Variants in CECR2 observed in about 807,000 individuals in gnomAD.
CECR2 encodes the protein CECR2 histone acetyl-lysine reader, also known as chromatin remodeling regulator CECR2.
In CECR2, 30 loss-of-function variants were observed where a neutral mutation model predicts 154.5. That is an observed-to-expected ratio of 0.19 (90% CI 0.15 to 0.26). The LOEUF is 0.26. CECR2 is among the 10% of genes least tolerant of loss of function. The pLI is 1.00. For synonymous variants in CECR2, 725 were observed against 683.7 expected (o/e 1.06, Z -0.94); for missense variants, 1,743 against 1,829.3 (o/e 0.95, Z 0.86).
chr22:17,394,323 C>T (rs2053776184), intron 1 of CECR2, among the ~76,000 whole-genome samples: 3 of 151,634 alleles, frequency 2.0e-5, no homozygotes, highest in South Asian at 2.1e-4. Context: ...CCACCTCAGC[C>T]TCCTGAGTGG....
intron 2 of CECR2, 129 bp from the exon 3 acceptor site, chr22:17,497,274 A>T (rs1482795168): frequency 4.7e-6 from 4 of 856,302 alleles, no homozygotes; most frequent in Non-Finnish European, 1.8e-6. Context: ...TGGATGACAG[A>T]GCGAGACCCT....
intron 1 of CECR2, among the ~76,000 whole-genome samples, chr22:17,474,418 G>A (rs528888695): frequency 1.3e-5 from 2 of 152,288 alleles, no homozygotes; most frequent in East Asian, 3.9e-4. Context: ...GTGACGCAGA[G>A]TTCCTCTCCC....
chr22:17,483,124 G>C (rs1053859147), intron 2 of CECR2, among the ~76,000 whole-genome samples: 30 of 152,356 alleles, frequency 2.0e-4, no homozygotes, highest in Admixed American at 5.9e-4. Flanking sequence ...ACAAGATGTC[G>C]AGGTGGAAGA....
At chr22:17,404,141 C>T (rs904756126) in intron 1 of CECR2, among the ~76,000 whole-genome samples, 1 of 151,332 alleles carries the variant, frequency 6.6e-6, no homozygotes, top group African/African-American at 2.4e-5. Context: ...CGTCTGTACT[C>T]CCAGCTACTT....
intron 9 of CECR2, among the ~76,000 whole-genome samples, chr22:17,527,314 C>T (rs905720891): frequency 3.2e-4 from 49 of 151,858 alleles, no homozygotes; most frequent in African/African-American, 1.2e-3. Flanking sequence ...AAAAATTAAC[C>T]GAGCATGGTT....
At chr22:17,389,714 G>A (rs1298713731) in intron 1 of CECR2, among the ~76,000 whole-genome samples, 1 of 151,992 alleles carries the variant, frequency 6.6e-6, no homozygotes. Context: ...TGCAACCTCC[G>A]CCTCCTGGGT....
chr22:17,516,977 C>A (rs970164318), intron 8 of CECR2, among the ~76,000 whole-genome samples: 1 of 151,708 alleles, frequency 6.6e-6, no homozygotes, highest in African/African-American at 2.4e-5. Flanking sequence ...GTGGCGTGAT[C>A]TCAGCTCACT....
chr22:17,505,090 A>G, intron 7 of CECR2, 74 bp downstream of exon 7: 1 of 1,418,948 alleles, frequency 7.0e-7, no homozygotes, highest in Non-Finnish European at 9.6e-7. Flanking sequence ...TATTCATGAG[A>G]CCTTCCCCAT....
rs779001484 is a variant in CECR2 at position 17,540,558 on chromosome 22, A to C, written c.1642A>C (p.Ser548Arg). 2 of 1,612,726 alleles carry C rather than the reference A, an allele frequency of 1.2e-6. No homozygotes were observed. The highest frequency in any genetic ancestry group is 2.2e-5 in the South Asian group (2 of 90,864). Reference protein sequence around the residue: ...REKRRSRAGRSGGSHVWTRSR... With the variant: ...REKRRSRAGRRGGSHVWTRSR... ...GAAAAGACGGAGTCGGGCTGGGCGA[A>C]GTGGTGGGAGCCATGTTTGGACCCG... Residue 548 changes from serine to arginine, a missense_variant, in exon 14 of 19, where the codon AGT becomes CGT. By Grantham distance (110) the Ser-to-Arg change is moderately radical. Coordinates refer to ENST00000262608, the MANE Select transcript of CECR2 (RefSeq NM_001290047.2).
Position 17,504,834 on chromosome 22 carries a change from C to T in CECR2, c.701-13C>T. ...GGGATCTCCTGTAGTGAATCCGTTCCTTTATTTTCTAGGGTCCCAAGGGCC... is the reference window on the plus strand; with the variant it reads ...GGGATCTCCTGTAGTGAATCCGTTCTTTTATTTTCTAGGGTCCCAAGGGCC... On this transcript the variant is annotated splice_polypyrimidine_tract_variant and intron_variant, in intron 6 of 18. Coordinates refer to ENST00000262608, the MANE Select transcript of CECR2 (RefSeq NM_001290047.2). The T allele has an allele frequency of 6.2e-7, 1 of 1,609,708 alleles. No homozygotes were observed. Among genetic ancestry groups the T allele is most frequent in the Non-Finnish European group, 8.5e-7 (1 of 1,178,300 alleles).
Position 17,552,959 on chromosome 22 carries a change from C to G in CECR2, c.*119C>G, listed in dbSNP as rs947437456. 1 of 1,502,102 alleles carries G rather than the reference C, an allele frequency of 6.7e-7. No individual in the cohort carries two copies. The highest frequency in any genetic ancestry group is 1.4e-5 in the African/African-American group (1 of 70,310). The allele number at this position is 1,502,102 out of a possible 1,614,324, so 93.0% of individuals were successfully genotyped here. A position where few individuals can be genotyped will look rare whatever the true frequency, so the allele number is the denominator to read the frequency against. On this transcript the variant is annotated 3_prime_UTR_variant, in exon 19 of 19. Transcript: ENST00000262608. ...CACCTGCTCCACCCCTTCACGGCGA[C>G]CCACTCGTGCCATACTTGAGCTGGA...
Position 17,504,981 on chromosome 22 carries a change from T to G in CECR2, c.835T>G (p.Phe279Val). Residue 279 changes from phenylalanine to valine, a missense_variant, in exon 7 of 19, where the codon TTC (phenylalanine) becomes GTC (valine). Transcript: ENST00000262608. ...GCTCTACAAGCTCCTCAGTGAGGAC[T>G]TCCTGCCTGAGATCTGCAACATGAT... ...RQLYKLLSED[F>V]LPEICNMIAQ... The G allele has an allele frequency of 6.2e-7, 1 of 1,613,624 alleles. No individual in the cohort carries two copies.
intron 1 of CECR2, among the ~76,000 whole-genome samples, chr22:17,455,754 G>T (rs557991111): frequency 2.6e-5 from 4 of 152,242 alleles, no homozygotes; most frequent in Admixed American, 1.3e-4. Flanking sequence ...GAAACTACAG[G>T]CGCACACCAG....
chr22:17,377,399 T>G (rs1391413789), intron 1 of CECR2, among the ~76,000 whole-genome samples: 1 of 152,160 alleles, frequency 6.6e-6, no homozygotes, highest in Admixed American at 6.6e-5. Flanking sequence ...TTCTGGAGGC[T>G]GAAGGCATTG....
chr22:17,511,820 G>A lies in CECR2; in HGVS notation c.878G>A (p.Arg293His), dbSNP rs5747211. The A allele has an allele frequency of 0.13, 208,934 of 1,609,484 alleles. 16,840 individuals carry two copies. Among genetic ancestry groups the A allele is most frequent in the East Asian group, 0.44 (19,576 of 44,754 alleles). The change falls in exon 8 of 19, where the codon CGT becomes CAT. Residue 293 changes from arginine to histidine, a missense_variant. By Grantham distance (29) the Arg-to-His change is conservative. This residue lies in a region of CECR2 where 292 missense variants were observed against 301.2 expected (regional missense o/e 0.97). Coordinates refer to ENST00000262608, the MANE Select transcript of CECR2 (RefSeq NM_001290047.2). ...ICNMIAQKGK[R>H]PQRTKAELHP... ...CTTCACTTCTAACTATAGGGAAAAC[G>A]TCCACAGCGCACAAAGGCAGAGTTG... is the stretch of plus-strand genomic sequence containing the variant.
chr22:17,392,311 C>T (rs1330175556), intron 1 of CECR2, among the ~76,000 whole-genome samples: 3 of 151,602 alleles, frequency 2.0e-5, no homozygotes, highest in South Asian at 2.1e-4. Context: ...GCCAACATGG[C>T]GAAACCCTGT....
At chr22:17,381,305 C>G (rs1305494438) in intron 1 of CECR2, among the ~76,000 whole-genome samples, 2 of 152,280 alleles carry the variant, frequency 1.3e-5, no homozygotes, top group South Asian at 4.1e-4. Flanking sequence ...GCCCTCCTTA[C>G]AGGAATGTTG....
chr22:17,387,100 T>G (rs4819447), intron 1 of CECR2, among the ~76,000 whole-genome samples: 10,733 of 152,278 alleles, frequency 0.07, 609 homozygotes, highest in East Asian at 0.18. Context: ...TTTGTAATGA[T>G]AATTTGTATA....
intron 13 of CECR2, among the ~76,000 whole-genome samples, chr22:17,539,402 T>A (rs2056486834): frequency 6.6e-6 from 1 of 152,140 alleles, no homozygotes; most frequent in South Asian, 2.1e-4. Flanking sequence ...CCGAGGGGAC[T>A]GACCCTACAT....
Sources: gnomAD v4.1 joint callset for allele counts (sites outside exome capture counted in the v4.1 genomes callset) on GRCh38, gnomAD v4.1.1 for gene constraint, gnomAD v4.1.1 regional missense constraint, MANE v1.5 for transcripts, NCBI Gene and HGNC (gene_info 2026-07-23, HGNC 2026-07-21) for gene names.